Variants in TANC2 observed in about 807,000 individuals in gnomAD.
TANC2 encodes the protein protein TANC2.
Under a neutral mutation model 210.5 loss-of-function variants are expected in TANC2, and 26 were observed. That is an observed-to-expected ratio of 0.12 (90% confidence interval 0.09 to 0.17). TANC2 has a LOEUF of 0.17. Ranked by LOEUF, TANC2 falls within the 10% of genes least tolerant of loss-of-function variation. The pLI, the probability that TANC2 is intolerant of heterozygous loss-of-function variation, is 1.00. For synonymous variants in TANC2, 931 were observed against 967.1 expected (o/e 0.96, Z 0.69); for missense variants, 2,129 against 2,608.9 (o/e 0.82, Z 4.01).
At chr17:63,372,893 CTT>C (rs753800050) in intron 14 of TANC2, among the ~76,000 whole-genome samples, 4 of 115,928 alleles carry the variant, frequency 3.5e-5, no homozygotes, top group Non-Finnish European at 1.7e-5. Context: ...TGATTACCAT[CTT>C]TTTTTTTTTT....
Position 63,412,607 on chromosome 17 carries a change from C to CTT in TANC2, c.3899-61_3899-60dup, listed in dbSNP as rs34592714. 204 of 1,149,970 alleles carry CTT rather than the reference C, an allele frequency of 1.8e-4. No homozygotes were observed. Among genetic ancestry groups the CTT allele is most frequent in the Non-Finnish European group, 2.0e-4 (168 of 826,492 alleles). 71.2% of individuals were successfully genotyped at this position (1,149,970 alleles called of 1,614,324 possible). A position where few individuals can be genotyped will look rare whatever the true frequency, so the allele number is the denominator to read the frequency against. On this transcript the variant is annotated intron_variant, in intron 23 of 27. Transcript: ENST00000689528. This position sits in a 1 kb window ranked among gnomAD's most constrained non-coding sequence, Gnocchi z 4.2. ...TGCCTCTCACTGCTGCTTTTTCCTTCTTTTTTTTTTTTTCACCTTCATCCA... is the reference window on the plus strand; with the variant it reads ...TGCCTCTCACTGCTGCTTTTTCCTTCTTTTTTTTTTTTTTTCACCTTCATCCA...
intron 8 of TANC2, among the ~76,000 whole-genome samples, chr17:63,263,752 A>G (rs1197125865): frequency 6.6e-6 from 1 of 152,182 alleles, no homozygotes; most frequent in East Asian, 1.9e-4. Context: ...CCTTTCAACA[A>G]ATTAATTTAA....
intron 2 of TANC2, among the ~76,000 whole-genome samples, chr17:63,072,134 C>T (rs753210356): frequency 3.9e-5 from 6 of 152,172 alleles, no homozygotes; most frequent in Non-Finnish European, 7.4e-5. Context: ...GATTTTTGGA[C>T]ATATTGAATA....
chr17:63,017,910 G>T lies in TANC2; in HGVS notation c.67+8284G>T, dbSNP rs560136508. ...TAATCCCAGCACTTTGGGAGGCCAG[G>T]GCAAGAGGATCTCTTGTGGCCAGAG... On this transcript the variant is annotated intron_variant, in intron 2 of 27. Coordinates refer to ENST00000689528, the Ensembl canonical transcript of TANC2. Among the ~76,000 whole-genome samples the T allele has an allele frequency of 2.6e-5, 4 of 151,414 alleles. No individual in the cohort carries two copies. The South Asian group carries it at 6.3e-4, about 24-fold the overall frequency.
intron 4 of TANC2, chr17:63,120,760 G>A (rs1250400426): frequency 7.2e-6 from 1 of 138,462 alleles, no homozygotes; most frequent in Non-Finnish European, 1.5e-5. Flanking sequence ...GTTGTAGTGA[G>A]CCGTGATTAC....
In TANC2 at chr17:63,105,581, G is replaced by C. The variant is rs910374804; in HGVS notation, c.322+6224G>C. Among the ~76,000 whole-genome samples, 12 of 151,598 alleles carry C rather than the reference G, an allele frequency of 7.9e-5. 1 individual carries two copies. Among genetic ancestry groups the C allele is most frequent in the African/African-American group, 2.7e-4 (11 of 40,976 alleles). ...AATTTTATGATGGGAAAAAAATACA[G>C]AATTGCTGCAAAGATTAAATAAGAT... On this transcript the variant is annotated intron_variant, in intron 4 of 27. Transcript: ENST00000689528.
At chr17:63,327,049 T>G (rs556332942) in intron 11 of TANC2, among the ~76,000 whole-genome samples, 1 of 152,060 alleles carries the variant, frequency 6.6e-6, no homozygotes, top group East Asian at 1.9e-4. Flanking sequence ...ACAACCTGAT[T>G]AAAAAAATGG....
chr17:63,086,652 C>T (rs2036977509), intron 3 of TANC2, among the ~76,000 whole-genome samples: 1 of 152,086 alleles, frequency 6.6e-6, no homozygotes, highest in Non-Finnish European at 1.5e-5. Context: ...ATAGTCAGAA[C>T]CAGTTTATAG....
intron 14 of TANC2, among the ~76,000 whole-genome samples, chr17:63,370,201 C>G (rs1467800768): frequency 7.6e-6 from 1 of 132,038 alleles, no homozygotes; most frequent in Non-Finnish European, 1.6e-5. Flanking sequence ...TTTTTTGAGA[C>G]AGAGTCTCTC....
At chr17:63,307,974 C>T (rs1220790236) in intron 9 of TANC2, among the ~76,000 whole-genome samples, 1 of 152,128 alleles carries the variant, frequency 6.6e-6, no homozygotes, top group African/African-American at 2.4e-5. Context: ...ACCATGTTAG[C>T]CAGATTGGTC....
chr17:63,052,077 A>G (rs1237649045), intron 2 of TANC2, among the ~76,000 whole-genome samples: 2 of 152,196 alleles, frequency 1.3e-5, no homozygotes, highest in African/African-American at 4.8e-5. Flanking sequence ...GTAGGCATCC[A>G]GAAAGTCTAT....
intron 2 of TANC2, among the ~76,000 whole-genome samples, chr17:63,056,872 A>T (rs1002164933): frequency 6.6e-6 from 1 of 152,124 alleles, no homozygotes; most frequent in African/African-American, 2.4e-5. Flanking sequence ...TTATTGGAAG[A>T]TTTGTTTTGT....
At chr17:63,231,090 C>CCTG (rs1245084290) in intron 7 of TANC2, among the ~76,000 whole-genome samples, 1 of 151,962 alleles carries the variant, frequency 6.6e-6, no homozygotes, top group African/African-American at 2.4e-5. Flanking sequence ...GATTGCAACC[C>CCTG]CTGCTTTTTT....
intron 3 of TANC2, among the ~76,000 whole-genome samples, chr17:63,090,099 T>C (rs2037125416): frequency 6.6e-6 from 1 of 152,128 alleles, no homozygotes; most frequent in Admixed American, 6.6e-5. Flanking sequence ...TCCCTCAACC[T>C]AATCCCTAGC....
rs149347328 is a variant in TANC2, at chr17:63,406,742, C to A, written c.3589+465C>A. Among the ~76,000 whole-genome samples the A allele has an allele frequency of 2.9e-3, 446 of 152,310 alleles. 3 individuals are homozygous for A. Among genetic ancestry groups the A allele is most frequent in the African/African-American group, 9.7e-3 (403 of 41,552 alleles). On this transcript the variant is annotated intron_variant, in intron 21 of 27. Coordinates refer to ENST00000689528, the Ensembl canonical transcript of TANC2. Reference sequence around the variant, plus strand: ...AGTAATAAATTCCTTTTGACACTTACCAACATCCACAAATTCCTGGTGAAT... The same window carrying A: ...AGTAATAAATTCCTTTTGACACTTAACAACATCCACAAATTCCTGGTGAAT...
chr17:63,321,988 A>G (rs1009868398), intron 11 of TANC2, among the ~76,000 whole-genome samples: 24 of 152,094 alleles, frequency 1.6e-4, no homozygotes, highest in African/African-American at 5.3e-4. Context: ...ATGGTCTGTA[A>G]TATTGTAAGG....
chr17:63,290,137 C>G (rs1420535306), intron 9 of TANC2, among the ~76,000 whole-genome samples: 2 of 147,006 alleles, frequency 1.4e-5, no homozygotes, highest in African/African-American at 4.9e-5. Context: ...GTTACTTTTC[C>G]CCTTCTTCTG....
chr17:63,151,674 C>T (rs1329117685), intron 5 of TANC2: 3 of 152,096 alleles, frequency 2.0e-5, no homozygotes, highest in Admixed American at 2.0e-4. Flanking sequence ...ATTTGAGATA[C>T]TTAAAGAAAT....
intron 1 of TANC2, among the ~76,000 whole-genome samples, chr17:62,986,535 C>T (rs573500384): frequency 4.0e-5 from 6 of 151,786 alleles, no homozygotes; most frequent in Non-Finnish European, 2.9e-5. Context: ...GGCTGTTTCT[C>T]AGGCCTGTGG....
Sources: allele counts gnomAD v4.1 joint callset (sites outside exome capture counted in the v4.1 genomes callset), GRCh38; gene constraint gnomAD v4.1.1; non-coding constraint Gnocchi (gnomAD v3.1); transcripts MANE v1.5; gene names NCBI Gene and HGNC (gene_info 2026-07-23, HGNC 2026-07-21).